The following KPTN variants were observed in gnomAD, a reference collection of about 807,000 sequenced individuals.
KPTN encodes the protein kaptin, actin binding protein, also known as KICSTOR complex protein kaptin.
Under a neutral mutation model 52.6 loss-of-function variants are expected in KPTN, and 36 were observed. The ratio of observed to expected loss-of-function variants is 0.68; its 90% CI spans 0.52 to 0.90. The LOEUF (loss-of-function observed/expected upper bound fraction) is 0.90, where lower values mean the gene tolerates loss of function less well. KPTN is among the 40% of genes least tolerant of loss of function. The pLI is 0.00. For missense variants in KPTN, 529 were observed against 576.2 expected (o/e 0.92, Z 0.84); for synonymous variants, 271 against 248.4 (o/e 1.09, Z -0.85).
rs569817373 is a variant in KPTN, at chr19:47,476,733, A to G, written c.1000-19T>C. On this transcript the variant is annotated intron_variant, in intron 10 of 11. Coordinates refer to ENST00000338134, the MANE Select transcript of KPTN (RefSeq NM_007059.4). ...GCAGTTCCTGCGGGGGTGAAGAATCAGGTCACACAGGTTGATGGGGGGACA... is the reference window on the plus strand; with the variant it reads ...GCAGTTCCTGCGGGGGTGAAGAATCGGGTCACACAGGTTGATGGGGGGACA... 26 of 1,607,314 alleles carry G rather than the reference A, an allele frequency of 1.6e-5. No individual in the cohort carries two copies. The South Asian group carries it at 2.1e-4, about 13-fold the overall frequency.
In KPTN at chr19:47,475,422, G is replaced by C. The variant is rs759041364; in HGVS notation, c.1305C>G (p.Ala435=). 1 of 1,612,462 alleles carries C rather than the reference G, an allele frequency of 6.2e-7. No homozygotes were observed. Residue 435 remains alanine (A), a synonymous_variant, in exon 12 of 12, where the codon GCC becomes GCG. Transcript: ENST00000338134. The part of the protein sequence containing the change: ...GAGAGPAENA[A]S ...AGAGTGGGTGCATGGGTGCTTAAGAGGCTGCATTCTCAGCAGGCCCTGCAC... is the reference window on the plus strand; with the variant it reads ...AGAGTGGGTGCATGGGTGCTTAAGACGCTGCATTCTCAGCAGGCCCTGCAC...
intron 8 of KPTN, among the ~76,000 whole-genome samples, chr19:47,478,954 G>T (rs1258019062): frequency 6.6e-6 from 1 of 152,232 alleles, no homozygotes. Context: ...CACTAGCTGG[G>T]TGATGGGTGT....
At position 47,483,144 on chromosome 19, in the gene KPTN, G is replaced by A; in HGVS notation, c.449+17C>T. 6.2e-7 allele frequency: 1 copy of A among 1,612,608 alleles called. No homozygotes were observed. Among genetic ancestry groups the A allele is most frequent in the Non-Finnish European group, 8.5e-7 (1 of 1,178,714 alleles). On this transcript the variant is annotated intron_variant, in intron 4 of 11. Coordinates refer to ENST00000338134, the MANE Select transcript of KPTN (RefSeq NM_007059.4). ...CATTTACAGTGGAGTGGGCGTCGAT[G>A]CGCAGGGGACACTCACTCCGCATGG...
intron 4 of KPTN, among the ~76,000 whole-genome samples, chr19:47,481,963 G>A (rs17271418): frequency 0.053 from 8,010 of 152,246 alleles, 303 homozygotes; most frequent in East Asian, 0.091. Flanking sequence ...GAAGATTCTG[G>A]CTTCTATCGT....
upstream of KPTN, among the ~76,000 whole-genome samples, chr19:47,484,808 G>T (rs1968022990): frequency 6.6e-6 from 1 of 150,588 alleles, no homozygotes; most frequent in Admixed American, 6.6e-5. Context: ...GGGTTCAAGC[G>T]ATTCTCCTGC....
At chr19:47,475,637 G>T in intron 11 of KPTN, 93 bp from the exon 12 acceptor site, 1 of 1,489,684 alleles carries the variant, frequency 6.7e-7, no homozygotes, top group Non-Finnish European at 9.2e-7. Flanking sequence ...CCAAAGGCCA[G>T]GAGCTCGGCC....
Position 47,480,410 on chromosome 19 carries a change from G to A in KPTN, c.600-3C>T. The A allele has an allele frequency of 6.5e-7, 1 of 1,543,242 alleles. No individual in the cohort carries two copies. The highest frequency in any genetic ancestry group is 8.8e-7 in the Non-Finnish European group (1 of 1,142,766). Reference sequence around the variant, plus strand: ...TGTGGACGTCCAGCCAGAGGACGCTGGCGGGCGGGTGGATGGACAGGACGG... The same window carrying A: ...TGTGGACGTCCAGCCAGAGGACGCTAGCGGGCGGGTGGATGGACAGGACGG... On this transcript the variant is annotated splice_region_variant and splice_polypyrimidine_tract_variant and intron_variant, in intron 6 of 11. Coordinates refer to ENST00000338134, the MANE Select transcript of KPTN (RefSeq NM_007059.4).
chr19:47,476,330 T>C, intron 11 of KPTN: 1 of 334,476 alleles, frequency 3.0e-6, no homozygotes, highest in African/African-American at 2.9e-5. Context: ...AATAAATAAA[T>C]AAATAAATCT....
At position 47,475,347 on chromosome 19, in the gene KPTN, C is replaced by A; in HGVS notation, c.*69G>T. 2 of 1,559,528 alleles carry A rather than the reference C, an allele frequency of 1.3e-6. No homozygotes were observed. Among genetic ancestry groups the A allele is most frequent in the Non-Finnish European group, 8.7e-7 (1 of 1,148,820 alleles). On this transcript the variant is annotated 3_prime_UTR_variant, in exon 12 of 12. Transcript: ENST00000338134. The stretch of plus-strand genomic sequence containing the variant: ...GAGCATCCTGTCCTTCAGGACACCC[C>A]CCACCAGCGGCTGGAGGTGAGCACG...
At chr19:47,483,863 A>G (rs1346926453) in intron 1 of KPTN, 72 bp downstream of exon 1, 1 of 1,586,160 alleles carries the variant, frequency 6.3e-7, no homozygotes, top group Non-Finnish European at 8.6e-7. Context: ...GACCCGGCTC[A>G]GACAGAGCCT....
upstream of KPTN, chr19:47,484,241 C>T (rs187166781): frequency 6.9e-7 from 1 of 1,454,670 alleles, no homozygotes; most frequent in Non-Finnish European, 9.1e-7. Context: ...CGACCTGAAC[C>T]GCCGGGTGCC....
chr19:47,483,670 A>T (rs1967969534), intron 1 of KPTN, 86 bp from the exon 2 acceptor site: 1 of 1,060,888 alleles, frequency 9.4e-7, no homozygotes. Flanking sequence ...TACCGCAATG[A>T]TCATGCCCTC....
upstream of KPTN, among the ~76,000 whole-genome samples, chr19:47,484,891 G>T (rs1002386214): frequency 6.6e-6 from 1 of 151,934 alleles, no homozygotes; most frequent in Non-Finnish European, 1.5e-5. Flanking sequence ...GTAGAGATGG[G>T]GTTTCGCCAT....
intron 6 of KPTN, 35 bp downstream of exon 6, chr19:47,480,725 C>T (rs552509236): frequency 3.1e-6 from 5 of 1,593,894 alleles, no homozygotes; most frequent in South Asian, 2.2e-5. Flanking sequence ...GTCAGTGCCC[C>T]GGTCCCCAGT....
chr19:47,482,455 C>A (rs1967909707), intron 4 of KPTN, among the ~76,000 whole-genome samples: 1 of 141,746 alleles, frequency 7.1e-6, no homozygotes. Flanking sequence ...GCACTCCAGC[C>A]TGGCAACAGA....
chr19:47,485,016 A>C (rs1968029971), upstream of KPTN, among the ~76,000 whole-genome samples: 1 of 152,092 alleles, frequency 6.6e-6, no homozygotes, highest in African/African-American at 2.4e-5. Flanking sequence ...TCATAATCTT[A>C]ACAGTATCAC....
Position 47,483,347 on chromosome 19 carries a change from G to T in KPTN, c.342C>A (p.Asn114Lys). 3 of 1,614,040 alleles carry T rather than the reference G, an allele frequency of 1.9e-6. No homozygotes were observed. Among genetic ancestry groups the T allele is most frequent in the Non-Finnish European group, 2.5e-6 (3 of 1,180,024 alleles). The part of the protein sequence containing the change: ...DSGDKGSPFL[N>K]IYCDYEPGSE... Reference sequence around the variant, plus strand: ...AGCCGGGCTCGTAGTCGCAGTAAATGTTCAGGAAGGGGCTGCCCTTGTCCC... The same window carrying T: ...AGCCGGGCTCGTAGTCGCAGTAAATTTTCAGGAAGGGGCTGCCCTTGTCCC... The change falls in exon 3 of 12, where the codon AAC becomes AAA. Residue 114 changes from asparagine to lysine, a missense_variant. Coordinates refer to ENST00000338134, the MANE Select transcript of KPTN (RefSeq NM_007059.4).
intron 4 of KPTN, among the ~76,000 whole-genome samples, chr19:47,482,160 G>C (rs1402567813): frequency 5.9e-5 from 9 of 152,256 alleles, no homozygotes; most frequent in Admixed American, 4.6e-4. Context: ...CAGTGTGGTG[G>C]CCCCTTGGCC....
intron 8 of KPTN, among the ~76,000 whole-genome samples, chr19:47,478,940 C>CGGA (rs1425935449): frequency 2.0e-5 from 3 of 152,232 alleles, no homozygotes; most frequent in Non-Finnish European, 4.4e-5. Flanking sequence ...TTAGGTACAA[C>CGGA]GGACACTAGC....
Sources: allele counts gnomAD v4.1 joint callset (sites outside exome capture counted in the v4.1 genomes callset), GRCh38; gene constraint gnomAD v4.1.1; transcripts MANE v1.5; gene names NCBI Gene and HGNC (gene_info 2026-07-23, HGNC 2026-07-21).